The following RIF1 variants were observed in gnomAD, a reference collection of about 807,000 sequenced individuals.
The protein encoded by RIF1 is replication timing regulatory factor 1.
Under a neutral mutation model 247.1 loss-of-function variants are expected in RIF1, and 45 were observed. The ratio of observed to expected loss-of-function variants is 0.18; its 90% CI spans 0.14 to 0.23. The LOEUF (loss-of-function observed/expected upper bound fraction) is 0.23, where lower values mean the gene tolerates loss of function less well. RIF1 is among the 10% of genes least tolerant of loss of function. The pLI is 1.00. For missense variants in RIF1, 2,967 were observed against 2,862.5 expected, an observed-to-expected ratio of 1.04 and a Z score of -0.83; for synonymous variants, 1,087 against 978.8, an observed-to-expected ratio of 1.11 and a Z score of -2.06.
intron 29 of RIF1, among the ~76,000 whole-genome samples, 181 bp downstream of exon 29, chr2:151,462,647 C>G (rs1696364121): frequency 9.8e-6 from 1 of 101,842 alleles, no homozygotes. Context: ...AGACACTAGT[C>G]AGTGTGTGTG....
chr2:151,432,996 T>G, intron 9 of RIF1, 81 bp from the exon 10 acceptor site: 3 of 1,083,932 alleles, frequency 2.8e-6, no homozygotes, highest in Non-Finnish European at 3.9e-6. Context: ...CTTGCTGTGA[T>G]AAAAGACTGT....
At chr2:151,466,158 T>A (rs1559023767) in intron 30 of RIF1, 38 bp downstream of exon 30, 5 of 1,325,808 alleles carry the variant, frequency 3.8e-6, no homozygotes, top group Admixed American at 2.2e-5. Context: ...GAACCCAGTA[T>A]TTGGTTGGGA....
intron 3 of RIF1, among the ~76,000 whole-genome samples, 153 bp downstream of exon 3, chr2:151,411,491 C>G (rs866307816): frequency 1.3e-5 from 2 of 152,048 alleles, no homozygotes; most frequent in Admixed American, 6.6e-5. Flanking sequence ...AAACCTCCGC[C>G]TCTCGGGTTC....
intron 21 of RIF1, among the ~76,000 whole-genome samples, chr2:151,451,997 T>C (rs1180252500): frequency 6.6e-6 from 1 of 152,210 alleles, no homozygotes; most frequent in Non-Finnish European, 1.5e-5. Context: ...ATAGTACAAA[T>C]GGTTTTACTC....
At chr2:151,425,929 T>G (rs1688991312) in intron 8 of RIF1, among the ~76,000 whole-genome samples, 2 of 151,616 alleles carry the variant, frequency 1.3e-5, no homozygotes, top group African/African-American at 4.8e-5. Flanking sequence ...TCCACCCGCC[T>G]CGACCTCCCA....
chr2:151,464,206 A>T lies in RIF1; in HGVS notation c.4686A>T (p.Glu1562Asp), dbSNP rs540031348. ...CTGATAGTTCGGAGGCAAAAGAAGA[A>T]GGTTCTAGGAAGAAGAGATCTGGAA... ...SESDSSEAKE[E>D]GSRKKRSGKW... The change falls in exon 30 of 36, where the codon GAA becomes GAT. Residue 1562 changes from glutamate to aspartate, a missense_variant. Coordinates refer to ENST00000444746, the MANE Select transcript of RIF1 (RefSeq NM_018151.5). The T allele has an allele frequency of 6.2e-7, 1 of 1,612,454 alleles. No homozygotes were observed. Among genetic ancestry groups the T allele is most frequent in the South Asian group, 1.1e-5 (1 of 90,646 alleles).
the RIF1 span, chr2:151,534,355 C>T: frequency 4.5e-6 from 7 of 1,562,188 alleles, no homozygotes; most frequent in Admixed American, 1.7e-5. Context: ...AGCAAGAGTA[C>T]AACTTCAAGG....
intron 1 of RIF1, 39 bp from the exon 2 acceptor site, chr2:151,410,375 C>T (rs1234961246): frequency 2.6e-6 from 4 of 1,538,036 alleles, no homozygotes; most frequent in African/African-American, 1.4e-5. Context: ...CTGTTTCCAT[C>T]GGTCACTGGA....
intron 9 of RIF1, chr2:151,491,664 C>G: frequency 6.5e-7 from 1 of 1,543,030 alleles, no homozygotes; most frequent in Non-Finnish European, 8.8e-7. Flanking sequence ...ATGTTGTAAG[C>G]CTTTTTCAGC....
chr2:151,411,635 A>G (rs1370489593), intron 3 of RIF1, among the ~76,000 whole-genome samples: 1 of 152,172 alleles, frequency 6.6e-6, no homozygotes, highest in Admixed American at 6.5e-5. Flanking sequence ...TCCCGACCTC[A>G]GGTGATCCGC....
chr2:151,451,815 CT>C, intron 21 of RIF1, 110 bp downstream of exon 21: 1 of 620,384 alleles, frequency 1.6e-6, no homozygotes, highest in Non-Finnish European at 2.9e-6. Flanking sequence ...AACTTTTGAT[CT>C]TGTTTAACCA....
At chr2:151,482,735 T>C (rs746852946), downstream of RIF1, among the ~76,000 whole-genome samples, 7 of 152,200 alleles carry the variant, frequency 4.6e-5, no homozygotes, top group Non-Finnish European at 7.3e-5. Context: ...CTAGGGCTGC[T>C]GTAACAGTAC....
chr2:151,485,665 CA>C (rs1448593161), downstream of RIF1: 2 of 1,218,374 alleles, frequency 1.6e-6, no homozygotes, highest in African/African-American at 3.0e-5. Flanking sequence ...AAACCATAGG[CA>C]GCTTGAGAAC....
chr2:151,482,638 C>T (rs2049215557), downstream of RIF1, among the ~76,000 whole-genome samples: 1 of 152,004 alleles, frequency 6.6e-6, no homozygotes, highest in South Asian at 2.1e-4. Flanking sequence ...TTGATGGCAG[C>T]CGAAGAAAAG....
chr2:151,459,848 T>A, intron 25 of RIF1, 152 bp from the exon 26 acceptor site: 1 of 655,358 alleles, frequency 1.5e-6, no homozygotes, highest in Admixed American at 3.7e-5. Context: ...AGACAGTGGC[T>A]TTCCTTTCTT....
At chr2:151,422,700 A>G (rs1447071615) in intron 7 of RIF1, among the ~76,000 whole-genome samples, 2 of 151,782 alleles carry the variant, frequency 1.3e-5, no homozygotes, top group Non-Finnish European at 2.9e-5. Context: ...GGGTTTCACC[A>G]TATTGGCCAG....
chr2:151,503,085 G>A lies in RIF1; in HGVS notation c.*761G>A, dbSNP rs1175437766. The A allele has an allele frequency of 1.2e-5, 7 of 581,448 alleles. No individual in the cohort carries two copies. The Admixed American group carries it at 2.4e-4, about 20-fold the overall frequency. 36.0% of individuals were successfully genotyped at this position (581,448 alleles called of 1,614,324 possible). A position where few individuals can be genotyped will look rare whatever the true frequency, so the allele number is the denominator to read the frequency against. On this transcript the variant is annotated 3_prime_UTR_variant and NMD_transcript_variant, in exon 12 of 14. Coordinates refer to the RIF1 transcript ENST00000454583. ...ATTCTGGAAATGAAAAAGTACAATG[G>A]AAAGCATTAAGTTATATAACGCTGA...
rs202114660 is a variant in RIF1, at chr2:151,441,050, GGC to G, written c.1648-854_1648-853del. Among the ~76,000 whole-genome samples, 592 of 152,144 alleles carry G rather than the reference GGC, an allele frequency of 3.9e-3. 3 individuals carry two copies. The highest frequency in any genetic ancestry group is 0.014 in the African/African-American group (566 of 41,512). ...ATCTGTAATCCCAGCACTTTGGGAG[GGC>G]AAGGTGGGCAAATTGCAAAAATTAG... is the stretch of plus-strand genomic sequence containing the variant. On this transcript the variant is annotated intron_variant, in intron 15 of 35. Transcript: ENST00000444746.
chr2:151,448,658 G>T (rs530726952), intron 20 of RIF1, among the ~76,000 whole-genome samples: 63 of 152,138 alleles, frequency 4.1e-4, no homozygotes, highest in African/African-American at 1.5e-3. Context: ...TTACCTAATC[G>T]CGCTTGTTTA....
Sources: gnomAD v4.1 joint callset for allele counts (sites outside exome capture counted in the v4.1 genomes callset) on GRCh38, gnomAD v4.1.1 for gene constraint, MANE v1.5 for transcripts, NCBI Gene and HGNC (gene_info 2026-07-23, HGNC 2026-07-21) for gene names.